SGO2: variants seen among roughly 807,000 people sequenced by gnomAD.
SGO2 encodes shugoshin-like 2.
Under a neutral mutation model 99.5 loss-of-function variants are expected in SGO2, and 68 were observed. That is an observed-to-expected ratio of 0.68 (90% CI 0.56 to 0.84). The LOEUF (loss-of-function observed/expected upper bound fraction) is 0.84. Among genes scored for constraint, SGO2 ranks in the 40% least tolerant of loss-of-function variants. SGO2 has a pLI of 0.00. For synonymous variants in SGO2, 457 were observed against 487.1 expected (o/e 0.94, Z 0.81); for missense variants, 1,350 against 1,436.7 (o/e 0.94, Z 0.97).
chr2:200,571,473 T>C lies in SGO2; in HGVS notation c.1127T>C (p.Val376Ala), dbSNP rs1439452768. ...DLTASEVSKI[V>A]TVSTGIKKKS... ...ACTGCTAGTGAAGTCAGCAAAATTGTCACAGTCTCAACAGGCATTAAAAAG... is the reference window on the plus strand; with the variant it reads ...ACTGCTAGTGAAGTCAGCAAAATTGCCACAGTCTCAACAGGCATTAAAAAG... The change falls in exon 7 of 9, where the codon GTC (valine) becomes GCC (alanine). Residue 376 changes from valine to alanine, a missense_variant. Val to Ala is a moderately conservative substitution (Grantham distance 64, BLOSUM62 0). Transcript: ENST00000357799. The C allele has an allele frequency of 1.2e-6, 2 of 1,610,262 alleles. No individual in the cohort carries two copies. Among genetic ancestry groups the C allele is most frequent in the Admixed American group, 1.7e-5 (1 of 59,216 alleles).
At chr2:200,564,809 T>A (rs2033121937) in intron 5 of SGO2, among the ~76,000 whole-genome samples, 1 of 152,220 alleles carries the variant, frequency 6.6e-6, no homozygotes, top group Non-Finnish European at 1.5e-5. Context: ...CCTTTACCAT[T>A]ATGTAATGGC....
chr2:200,568,366 G>T (rs1020258690), intron 5 of SGO2, among the ~76,000 whole-genome samples: 1 of 152,148 alleles, frequency 6.6e-6, no homozygotes, highest in Non-Finnish European at 1.5e-5. Flanking sequence ...TGTATCCCTT[G>T]TTGGAGAAAA....
Position 200,532,911 on chromosome 2 carries a change from A to G in SGO2, c.-2-63A>G, listed in dbSNP as rs1047794049. The G allele has an allele frequency of 1.4e-5, 21 of 1,459,964 alleles. 1 individual carries two copies. Among genetic ancestry groups the G allele is most frequent in the African/African-American group, 2.9e-5 (2 of 69,102 alleles). The allele number at this position is 1,459,964 out of a possible 1,614,324, so 90.4% of individuals were successfully genotyped here. ...TCATGATTGTTACTTTTTAAAATGT[A>G]TTTATCAGTTATACTTTTTCTTTTA... is the stretch of plus-strand genomic sequence containing the variant. On this transcript the variant is annotated intron_variant, in intron 1 of 8. Transcript: ENST00000357799.
Position 200,536,162 on chromosome 2 carries a change from A to C in SGO2, c.387+20A>C. ...TCTGAGGTAAGTAGAATTTATATGT[A>C]AATAGTGTTGTTCTTTAGATTACTG... On this transcript the variant is annotated intron_variant, in intron 4 of 8. Coordinates refer to ENST00000357799, the MANE Select transcript of SGO2 (RefSeq NM_152524.6). 6.8e-7 allele frequency: 1 copy of C among 1,468,158 alleles called. No homozygotes were observed. Among genetic ancestry groups the C allele is most frequent in the East Asian group, 2.3e-5 (1 of 43,702 alleles). 90.9% of individuals were successfully genotyped at this position (1,468,158 alleles called of 1,614,324 possible).
intron 4 of SGO2, among the ~76,000 whole-genome samples, chr2:200,537,811 CTGTT>C (rs2031763002): frequency 1.3e-5 from 2 of 152,180 alleles, no homozygotes; most frequent in Admixed American, 1.3e-4. Flanking sequence ...TACTTGGCAT[CTGTT>C]TGGATGTCTA....
At chr2:200,577,548 G>A (rs2033707155) in intron 8 of SGO2, among the ~76,000 whole-genome samples, 1 of 152,108 alleles carries the variant, frequency 6.6e-6, no homozygotes, top group South Asian at 2.1e-4. Flanking sequence ...ATTAGCATTG[G>A]TACAATACTA....
rs368119943 is a variant in SGO2, at chr2:200,571,283, G to T, written c.937G>T (p.Gly313Cys). Residue 313 changes from glycine (G) to cysteine (C), a missense_variant, in exon 7 of 9, where the codon GGT (glycine) becomes TGT (cysteine). Coordinates refer to ENST00000357799, the MANE Select transcript of SGO2 (RefSeq NM_152524.6). ...PELNCNNEIN[G>C]HTNETNTEMQ... is the part of the protein sequence containing the mutation. The stretch of plus-strand genomic sequence containing the variant: ...ATTAAATTGCAATAATGAGATAAAT[G>T]GTCATACTAATGAAACAAATACTGA... The T allele has an allele frequency of 6.2e-7, 1 of 1,613,110 alleles. No individual in the cohort carries two copies. Among genetic ancestry groups the T allele is most frequent in the Non-Finnish European group, 8.5e-7 (1 of 1,179,374 alleles).
At chr2:200,555,785 C>A (rs909506702) in intron 5 of SGO2, among the ~76,000 whole-genome samples, 2 of 152,126 alleles carry the variant, frequency 1.3e-5, no homozygotes, top group African/African-American at 4.8e-5. Flanking sequence ...CCCTGAAAGT[C>A]AAAAATATCA....
intron 8 of SGO2, among the ~76,000 whole-genome samples, chr2:200,579,674 T>G (rs1457474720): frequency 6.6e-6 from 1 of 152,232 alleles, no homozygotes; most frequent in Non-Finnish European, 1.5e-5. Flanking sequence ...AGTTTTCCAG[T>G]ACCGAACTAA....
intron 5 of SGO2, among the ~76,000 whole-genome samples, chr2:200,545,133 A>G (rs957387521): frequency 2.0e-5 from 3 of 152,118 alleles, no homozygotes; most frequent in Non-Finnish European, 2.9e-5. Context: ...CAGTCCCCCA[A>G]GTAGCTGGGA....
chr2:200,575,328 G>A lies in SGO2; in HGVS notation c.3649G>A (p.Asp1217Asn). The A allele has an allele frequency of 6.3e-7, 1 of 1,599,152 alleles. No homozygotes were observed. The highest frequency in any genetic ancestry group is 8.5e-7 in the Non-Finnish European group (1 of 1,170,794). Reference sequence around the variant, plus strand: ...TTTTTCAGGTGATAGACCATTACAGGACTTGTCAAATACCAGTTTTGTTTC... The same window carrying A: ...TTTTTCAGGTGATAGACCATTACAGAACTTGTCAAATACCAGTTTTGTTTC... ...KSGIGDRPLQ[D>N]LSNTSFVSNN... Residue 1217 changes from aspartate (D) to asparagine (N), a missense_variant, in exon 8 of 9, where the codon GAC becomes AAC. Coordinates refer to ENST00000357799, the MANE Select transcript of SGO2 (RefSeq NM_152524.6).
At chr2:200,546,675 T>C (rs1003020360) in intron 5 of SGO2, among the ~76,000 whole-genome samples, 14 of 151,824 alleles carry the variant, frequency 9.2e-5, no homozygotes, top group African/African-American at 3.4e-4. Context: ...ACAAAGAGAT[T>C]AAAATAATAA....
At position 200,565,589 on chromosome 2, in the gene SGO2, C is replaced by G. The variant is rs143377306; in HGVS notation, c.474-4074C>G. Among the ~76,000 whole-genome samples, 385 of 152,214 alleles carry G rather than the reference C, an allele frequency of 2.5e-3. 2 individuals are homozygous for G. The highest frequency in any genetic ancestry group is 0.01 in the Middle Eastern group (3 of 294). Reference sequence around the variant, plus strand: ...ATCTTTGTGGCATTCTCTGTATTTCCTAAATTTGAATGTTGGCCTGCCTTG... The same window carrying G: ...ATCTTTGTGGCATTCTCTGTATTTCGTAAATTTGAATGTTGGCCTGCCTTG... On this transcript the variant is annotated intron_variant, in intron 5 of 8. Transcript: ENST00000357799.
At chr2:200,579,849 G>A (rs180825136) in intron 8 of SGO2, among the ~76,000 whole-genome samples, 1 of 152,064 alleles carries the variant, frequency 6.6e-6, no homozygotes, top group Non-Finnish European at 1.5e-5. Flanking sequence ...ATCTGGCCTA[G>A]GTATCATATT....
In SGO2 at chr2:200,573,807, G is replaced by A; in HGVS notation, c.3461G>A (p.Ser1154Asn). ...AACATACAAGATTCTTCCTTTGACA[G>A]TGTTCGTGAAGGTTTAGTACCTTTG... The part of the protein sequence containing the change: ...SPNIQDSSFD[S>N]VREGLVPLSV... Residue 1154 changes from serine (S) to asparagine (N), a missense_variant, in exon 7 of 9, where the codon AGT (serine) becomes AAT (asparagine). By Grantham distance (46) the Ser-to-Asn change is conservative. Coordinates refer to ENST00000357799, the MANE Select transcript of SGO2 (RefSeq NM_152524.6). 1 of 1,612,684 alleles carries A rather than the reference G, an allele frequency of 6.2e-7. No individual in the cohort carries two copies. Among genetic ancestry groups the A allele is most frequent in the East Asian group, 2.2e-5 (1 of 44,836 alleles).
chr2:200,537,331 A>G (rs1055439400), intron 4 of SGO2, among the ~76,000 whole-genome samples: 1 of 151,998 alleles, frequency 6.6e-6, no homozygotes. Context: ...TACTTCACCT[A>G]CTTCCCCGCT....
In SGO2 at chr2:200,570,490, G is replaced by GTGTA. The variant is rs1272962716; in HGVS notation, c.704-557_704-556insATGT. On this transcript the variant is annotated intron_variant, in intron 6 of 8. Transcript: ENST00000357799. The surrounding 1 kb of genome is among the most constrained non-coding windows in gnomAD (Gnocchi z 4.4). ...TTCCTTTCTGAAAATGTGTGTGTGT[G>GTGTA]TGTGTGTGTGTGTGTGTGTGGGCAT... is the stretch of plus-strand genomic sequence containing the variant. 1.4e-4 allele frequency among the ~76,000 whole-genome samples: 21 copies of GTGTA among 150,482 alleles called. No homozygotes were observed. The highest frequency in any genetic ancestry group is 4.9e-4 in the African/African-American group (20 of 41,052).
Position 200,583,707 on chromosome 2 carries a change from T to A in SGO2, c.*243T>A. On this transcript the variant is annotated 3_prime_UTR_variant, in exon 9 of 9. Transcript: ENST00000357799. ...TCATCATATAACTTACCTTCCTGTT[T>A]ATTTAAGCTTCTTTTTACCTAGTAG... The A allele has an allele frequency of 3.4e-6, 1 of 294,672 alleles. No individual in the cohort carries two copies. The allele number at this position is 294,672 out of a possible 1,614,324, so 18.3% of individuals were successfully genotyped here.
chr2:200,546,395 A>G (rs1329015899), intron 5 of SGO2, among the ~76,000 whole-genome samples: 3 of 150,500 alleles, frequency 2.0e-5, no homozygotes, highest in African/African-American at 7.3e-5. Flanking sequence ...TGCTAGGCAG[A>G]TATATTCAAT....
Sources: allele counts gnomAD v4.1 joint callset (sites outside exome capture counted in the v4.1 genomes callset), GRCh38; gene constraint gnomAD v4.1.1; non-coding constraint Gnocchi (gnomAD v3.1); transcripts MANE v1.5; gene names NCBI Gene and HGNC (gene_info 2026-07-23, HGNC 2026-07-21).